The following SLC34A2 variants were observed in gnomAD, a reference collection of about 807,000 sequenced individuals.
SLC34A2 encodes sodium-dependent phosphate transport protein 2B.
SLC34A2 carries 41 observed loss-of-function variants against 50.8 expected under a neutral mutation model. The observed-to-expected ratio is 0.81, with a 90% CI of 0.63 to 1.05. The LOEUF is 1.05. Ranked by LOEUF, SLC34A2 falls within the 50% of genes least tolerant of loss-of-function variation. The pLI is 0.00. For synonymous variants in SLC34A2, 401 were observed against 364.2 expected (o/e 1.10, Z -1.15); for missense variants, 879 against 876.7 (o/e 1.00, Z -0.03).
chr4:25,668,652 A>AT (rs1217440943), intron 6 of SLC34A2, among the ~76,000 whole-genome samples: 4,474 of 151,684 alleles, frequency 0.029, 233 homozygotes, highest in African/African-American at 0.1. Context: ...AAAAAAAAAA[A>AT]AAAAATAAAT....
At chr4:25,664,101 G>C in intron 3 of SLC34A2, 101 bp from the exon 4 acceptor site, 1 of 1,130,182 alleles carries the variant, frequency 8.8e-7, no homozygotes, top group Non-Finnish European at 1.3e-6. Flanking sequence ...GAAGGGAGGG[G>C]AGGTCGGGGG....
rs149174663 is a variant in SLC34A2, at chr4:25,676,518, C to G, written c.1842C>G (p.Phe614Leu). ...TCGTCTCCAAGTTCACCGGCTGCTT[C>G]CAGATGCGCTGCTGCTGCTGCTGCC... is the stretch of plus-strand genomic sequence containing the variant. ...DAVVSKFTGCFQMRCCCCCRV... is the reference protein window; with the variant it reads ...DAVVSKFTGCLQMRCCCCCRV... The change falls in exon 13 of 13, where the codon TTC (phenylalanine) becomes TTG (leucine). Residue 614 changes from phenylalanine (F) to leucine (L), a missense_variant. By Grantham distance (22) the Phe-to-Leu change is conservative (BLOSUM62 0). Coordinates refer to ENST00000382051, the MANE Select transcript of SLC34A2 (RefSeq NM_006424.3). The G allele has an allele frequency of 6.2e-7, 1 of 1,614,054 alleles. No individual in the cohort carries two copies. Among genetic ancestry groups the G allele is most frequent in the Non-Finnish European group, 8.5e-7 (1 of 1,179,962 alleles).
At position 25,663,441 on chromosome 4, in the gene SLC34A2, G is replaced by T. The variant is rs115503488; in HGVS notation, c.250+599G>T. Among the ~76,000 whole-genome samples, 451 of 152,254 alleles carry T rather than the reference G, an allele frequency of 3.0e-3. 3 individuals are homozygous for T. Among genetic ancestry groups the T allele is most frequent in the African/African-American group, 0.01 (427 of 41,552 alleles). Reference sequence around the variant, plus strand: ...GTGGATACAGTGATGAACAGAAAAGGCCCCTCTTCTCAGAGAGCTTTCAGA... The same window carrying T: ...GTGGATACAGTGATGAACAGAAAAGTCCCCTCTTCTCAGAGAGCTTTCAGA... On this transcript the variant is annotated intron_variant, in intron 3 of 12. Transcript: ENST00000382051.
At chr4:25,670,163 C>A (rs1714739952) in intron 7 of SLC34A2, among the ~76,000 whole-genome samples, 1 of 152,192 alleles carries the variant, frequency 6.6e-6, no homozygotes, top group African/African-American at 2.4e-5. Context: ...GTCAAGGCTG[C>A]AGTGAGCTGA....
chr4:25,662,893 A>C (rs1215667793), intron 3 of SLC34A2, 51 bp downstream of exon 3: 1 of 1,606,670 alleles, frequency 6.2e-7, no homozygotes, highest in East Asian at 2.2e-5. Context: ...CCTGTGGTTC[A>C]CGGTGTCATC....
At position 25,671,594 on chromosome 4, in the gene SLC34A2, C is replaced by T. The variant is rs1429845324; in HGVS notation, c.928-7C>T. 7 of 1,613,950 alleles carry T rather than the reference C, an allele frequency of 4.3e-6. No homozygotes were observed. The African/African-American group carries it at 5.3e-5, about 12-fold the overall frequency. ...TGTTGTGGGCATTTGTCATGTTTGT[C>T]ATCCAGACCCAGATTAACGTCACTG... On this transcript the variant is annotated splice_polypyrimidine_tract_variant and splice_region_variant and intron_variant, in intron 8 of 12. Coordinates refer to ENST00000382051, the MANE Select transcript of SLC34A2 (RefSeq NM_006424.3).
chr4:25,657,479 T>C (rs1427697114), intron 1 of SLC34A2, among the ~76,000 whole-genome samples: 1 of 152,180 alleles, frequency 6.6e-6, no homozygotes, highest in Non-Finnish European at 1.5e-5. Context: ...ATTTTTAAGA[T>C]GTTTATATTT....
rs200297029 is a variant in SLC34A2 at position 25,676,190 on chromosome 4, T to C, written c.1514T>C (p.Ile505Thr). The change falls in exon 13 of 13, where the codon ATC (isoleucine) becomes ACC (threonine). Residue 505 changes from isoleucine to threonine, a missense_variant. Coordinates refer to ENST00000382051, the MANE Select transcript of SLC34A2 (RefSeq NM_006424.3). ...TCCGGCATCTTGCTGTGGTACCCGATCCCGTTCACTCGCCTGCCCATCCGC... is the reference window on the plus strand; with the variant it reads ...TCCGGCATCTTGCTGTGGTACCCGACCCCGTTCACTCGCCTGCCCATCCGC... ...NISGILLWYP[I>T]PFTRLPIRMA... 8.1e-6 allele frequency: 13 copies of C among 1,614,076 alleles called. No homozygotes were observed. Among genetic ancestry groups the C allele is most frequent in the Non-Finnish European group, 1.1e-5 (13 of 1,180,050 alleles).
At chr4:25,670,892 C>T (rs1714779681) in intron 8 of SLC34A2, 59 bp downstream of exon 8, 1 of 1,341,878 alleles carries the variant, frequency 7.5e-7, no homozygotes, top group Middle Eastern at 1.8e-4. Flanking sequence ...GAACATGAAA[C>T]TAAATCTTGC....
At chr4:25,672,715 C>A (rs972786776) in intron 9 of SLC34A2, among the ~76,000 whole-genome samples, 2 of 151,936 alleles carry the variant, frequency 1.3e-5, no homozygotes, top group Non-Finnish European at 2.9e-5. Context: ...ATTAGCAATG[C>A]CCCTTACTTT....
rs1342952866 is a variant in SLC34A2, at chr4:25,677,290, AGGTGTG to A, written c.*545_*550del. 1 of 163,252 alleles carries A rather than the reference AGGTGTG, an allele frequency of 6.1e-6. No individual in the cohort carries two copies. The allele number at this position is 163,252 out of a possible 1,614,324, so 10.1% of individuals were successfully genotyped here. ...CATTGTTTGGAAACTGCAGACCACA[AGGTGTG>A]GGTCTATCCCACTTCCTAGTGCTCC... is the stretch of plus-strand genomic sequence containing the variant. On this transcript the variant is annotated 3_prime_UTR_variant, in exon 13 of 13. Coordinates refer to ENST00000382051, the MANE Select transcript of SLC34A2 (RefSeq NM_006424.3).
Position 25,664,290 on chromosome 4 carries a change from C to T in SLC34A2, c.339C>T (p.Cys113=). Residue 113 remains cysteine, a synonymous_variant, in exon 4 of 13, where the codon TGC becomes TGT. Transcript: ENST00000382051. ...TCGGATTTCTCTACTTTTTCGTGTG[C>T]TCCCTGGATATTCTTAGTAGCGCCT... ...LLLGFLYFFV[C]SLDILSSAFQ... 1 of 1,613,686 alleles carries T rather than the reference C, an allele frequency of 6.2e-7. No individual in the cohort carries two copies. Among genetic ancestry groups the T allele is most frequent in the Non-Finnish European group, 8.5e-7 (1 of 1,179,908 alleles).
At chr4:25,665,031 G>C in intron 4 of SLC34A2, 1 of 229,208 alleles carries the variant, frequency 4.4e-6, no homozygotes, top group East Asian at 6.2e-5. Flanking sequence ...TCTCAGATCT[G>C]GGTGACACAA....
intron 6 of SLC34A2, among the ~76,000 whole-genome samples, chr4:25,669,393 CAG>C (rs1248591294): frequency 3.9e-5 from 6 of 152,176 alleles, no homozygotes; most frequent in Non-Finnish European, 5.9e-5. Context: ...TTCTTCGAAA[CAG>C]TGATTGCTGA....
At chr4:25,675,062 C>T (rs572332814) in intron 12 of SLC34A2, among the ~76,000 whole-genome samples, 25 of 152,244 alleles carry the variant, frequency 1.6e-4, no homozygotes, top group East Asian at 3.9e-4. Context: ...GACAGAGTCT[C>T]GCACTGTAGC....
Position 25,674,374 on chromosome 4 carries a change from G to A in SLC34A2, c.1295G>A (p.Ser432Asn), listed in dbSNP as rs1292179461. ...VGAGMTFIVQ[S>N]SSVFTSALTP... ...GCAGGCATGACCTTCATCGTACAGA[G>A]CAGCTCTGTGTTCACGTCGGCCTTG... is the stretch of plus-strand genomic sequence containing the variant. Residue 432 changes from serine (S) to asparagine (N), a missense_variant, in exon 11 of 13, where the codon AGC (serine) becomes AAC (asparagine). Coordinates refer to ENST00000382051, the MANE Select transcript of SLC34A2 (RefSeq NM_006424.3). The A allele has an allele frequency of 3.1e-6, 5 of 1,614,112 alleles. No individual in the cohort carries two copies. In the South Asian group the frequency reaches 3.3e-5, roughly 11 times the overall value.
chr4:25,661,538 C>A (rs1189926977), intron 1 of SLC34A2, among the ~76,000 whole-genome samples: 2 of 152,056 alleles, frequency 1.3e-5, no homozygotes, highest in Non-Finnish European at 2.9e-5. Context: ...CAGGCACCCA[C>A]CACCATCCCC....
At chr4:25,661,645 C>T (rs538253186) in intron 1 of SLC34A2, among the ~76,000 whole-genome samples, 1 of 152,304 alleles carries the variant, frequency 6.6e-6, no homozygotes, top group East Asian at 1.9e-4. Flanking sequence ...ACCTTGGCCT[C>T]CTAAGGTGTT....
Position 25,676,939 on chromosome 4 carries a change from C to T in SLC34A2, c.*190C>T, listed in dbSNP as rs1715169427. The stretch of plus-strand genomic sequence containing the variant: ...GGCCTGCAGGGCACTTTTATTCCAA[C>T]CCCTGGTCACTCAGTAATCTTTTAC... On this transcript the variant is annotated 3_prime_UTR_variant, in exon 13 of 13. Transcript: ENST00000382051. The T allele has an allele frequency of 1.5e-6, 1 of 674,410 alleles. No homozygotes were observed. The highest frequency in any genetic ancestry group is 2.6e-6 in the Non-Finnish European group (1 of 391,784). 41.8% of individuals were successfully genotyped at this position (674,410 alleles called of 1,614,324 possible). A position where few individuals can be genotyped will look rare whatever the true frequency, so the allele number is the denominator to read the frequency against.
Sources: gnomAD v4.1 joint callset for allele counts (sites outside exome capture counted in the v4.1 genomes callset) on GRCh38, gnomAD v4.1.1 for gene constraint, MANE v1.5 for transcripts, NCBI Gene and HGNC (gene_info 2026-07-23, HGNC 2026-07-21) for gene names.